The following LIMCH1 variants were observed in gnomAD, a reference collection of about 807,000 sequenced individuals.
The protein encoded by LIMCH1 is LIM and calponin homology domains 1.
LIMCH1 carries 113 observed loss-of-function variants against 176.5 expected under a neutral mutation model. The observed-to-expected ratio is 0.64, with a 90% CI of 0.55 to 0.75. The LOEUF is 0.75. LIMCH1 is among the 30% of genes least tolerant of loss of function. The pLI is 0.00. For synonymous variants in LIMCH1, 619 were observed against 645.9 expected (o/e 0.96, Z 0.63); for missense variants, 1,674 against 1,814.9 (o/e 0.92, Z 1.41).
At chr4:41,394,603 C>T (rs2057601441) in intron 1 of LIMCH1, among the ~76,000 whole-genome samples, 2 of 152,148 alleles carry the variant, frequency 1.3e-5, no homozygotes, top group Non-Finnish European at 2.9e-5. Context: ...TACTGCTCTT[C>T]TTGATCGGGG....
At chr4:41,449,107 G>T (rs545128843) in intron 1 of LIMCH1, among the ~76,000 whole-genome samples, 22 of 151,966 alleles carry the variant, frequency 1.4e-4, no homozygotes, top group Admixed American at 1.4e-3. Flanking sequence ...TTCAGTTAGC[G>T]TATACAGGCC....
intron 1 of LIMCH1, among the ~76,000 whole-genome samples, chr4:41,570,634 C>T (rs1349333785): frequency 6.6e-6 from 1 of 152,220 alleles, no homozygotes; most frequent in Admixed American, 6.5e-5. Context: ...GGCCCTGCTC[C>T]GAACATTTTG....
chr4:41,565,204 C>G (rs915577393), intron 1 of LIMCH1, among the ~76,000 whole-genome samples: 10 of 151,904 alleles, frequency 6.6e-5, no homozygotes, highest in Non-Finnish European at 1.5e-5. Flanking sequence ...GAGTGGTTTT[C>G]TTTTCTAGTT....
intron 1 of LIMCH1, among the ~76,000 whole-genome samples, chr4:41,544,341 G>A (rs1428330227): frequency 1.3e-5 from 2 of 152,172 alleles, no homozygotes; most frequent in African/African-American, 4.8e-5. Context: ...AAACTTATAA[G>A]AAAGAACCTC....
chr4:41,689,618 C>A lies in LIMCH1; in HGVS notation c.4258C>A (p.His1420Asn). 1 of 1,606,040 alleles carries A rather than the reference C, an allele frequency of 6.2e-7. No individual in the cohort carries two copies. Among genetic ancestry groups the A allele is most frequent in the Non-Finnish European group, 8.5e-7 (1 of 1,172,798 alleles). Residue 1420 changes from histidine (H) to asparagine (N), a missense_variant, in exon 30 of 32, where the codon CAC (histidine) becomes AAC (asparagine). His to Asn is a moderately conservative substitution (Grantham distance 68, BLOSUM62 1). Coordinates refer to ENST00000503057, the MANE Select transcript of LIMCH1 (RefSeq NM_001330672.2). ...MIIETLNLYF[H>N]IQCFRCGICK... Reference sequence around the variant, plus strand: ...CATCGAGACCCTCAATCTCTATTTTCACATCCAGTGTTTCAGGGTACGTAC... The same window carrying A: ...CATCGAGACCCTCAATCTCTATTTTAACATCCAGTGTTTCAGGGTACGTAC...
At chr4:41,531,493 CACACACACACACACACACACACAT>C (rs1479942755) in intron 3 of LIMCH1, among the ~76,000 whole-genome samples, 5 of 138,234 alleles carry the variant, frequency 3.6e-5, no homozygotes, top group Admixed American at 2.1e-4. Context: ...CACACACACA[CACACACACACACACACACACACAT>C]ACACACCTTA....
intron 4 of LIMCH1, among the ~76,000 whole-genome samples, chr4:41,606,487 G>T (rs1156399574): frequency 1.3e-5 from 2 of 152,170 alleles, no homozygotes; most frequent in East Asian, 3.9e-4. Flanking sequence ...TACATTAAAT[G>T]CATTCTCCTC....
intron 19 of LIMCH1, chr4:41,661,796 T>G (rs2094631932): frequency 7.6e-6 from 3 of 396,792 alleles, no homozygotes; most frequent in Non-Finnish European, 1.4e-5. Context: ...TTCTTCCATA[T>G]AAATCATGCT....
intron 1 of LIMCH1, among the ~76,000 whole-genome samples, chr4:41,392,242 TAAGCAAA>T (rs915823212): frequency 5.3e-5 from 8 of 152,076 alleles, no homozygotes; most frequent in African/African-American, 1.7e-4. Flanking sequence ...ATAAAAGAAA[TAAGCAAA>T]ATGTATTATC....
intron 5 of LIMCH1, among the ~76,000 whole-genome samples, chr4:41,617,857 A>G (rs144292799): frequency 4.1e-4 from 63 of 152,358 alleles, no homozygotes; most frequent in African/African-American, 1.4e-3. Context: ...ATTATGACAT[A>G]AAGAGTAGCC....
intron 18 of LIMCH1, among the ~76,000 whole-genome samples, chr4:41,659,479 G>T (rs1276663486): frequency 6.6e-6 from 1 of 151,860 alleles, no homozygotes. Context: ...AAATTTCTTT[G>T]TTTTTAAAGA....
chr4:41,540,408 C>T (rs1349848372), intron 1 of LIMCH1, among the ~76,000 whole-genome samples: 1 of 152,086 alleles, frequency 6.6e-6, no homozygotes, highest in African/African-American at 2.4e-5. Flanking sequence ...ATTTTTAAAC[C>T]TTCTCTTGTC....
intron 1 of LIMCH1, among the ~76,000 whole-genome samples, chr4:41,419,466 A>AC (rs2060254745): frequency 6.6e-6 from 1 of 150,838 alleles, no homozygotes; most frequent in South Asian, 2.1e-4. Flanking sequence ...GAGCCACCAT[A>AC]CCCGGCCAAG....
At chr4:41,417,512 A>G (rs1322106921) in intron 1 of LIMCH1, among the ~76,000 whole-genome samples, 2 of 152,114 alleles carry the variant, frequency 1.3e-5, no homozygotes, top group Non-Finnish European at 2.9e-5. Flanking sequence ...TCTGGAGACT[A>G]GATTTCTGAG....
chr4:41,424,762 T>G (rs1345067404), intron 1 of LIMCH1, among the ~76,000 whole-genome samples: 1 of 152,234 alleles, frequency 6.6e-6, no homozygotes, highest in South Asian at 2.1e-4. Flanking sequence ...TTTGGAACTA[T>G]TTCCTGCTTA....
intron 5 of LIMCH1, among the ~76,000 whole-genome samples, chr4:41,613,979 G>A (rs1164131234): frequency 6.6e-6 from 1 of 152,188 alleles, no homozygotes; most frequent in Non-Finnish European, 1.5e-5. Flanking sequence ...CTCATAAAGT[G>A]TGCTGGAGGT....
rs143136860 is a variant in LIMCH1, at chr4:41,642,011, C to A, written c.2127-2489C>A. Among the ~76,000 whole-genome samples, 203 of 152,280 alleles carry A rather than the reference C, an allele frequency of 1.3e-3. 2 individuals are homozygous for A. Among genetic ancestry groups the A allele is most frequent in the African/African-American group, 4.8e-3 (201 of 41,562 alleles). On this transcript the variant is annotated intron_variant, in intron 14 of 31. Transcript: ENST00000503057. The stretch of plus-strand genomic sequence containing the variant: ...GGTCTGCTCTCATTTTCTCCATGCC[C>A]ATTGGGTGAGATAATCAAATCCCAG...
intron 18 of LIMCH1, among the ~76,000 whole-genome samples, chr4:41,653,779 TC>T (rs1462119584): frequency 6.6e-6 from 1 of 152,258 alleles, no homozygotes; most frequent in Non-Finnish European, 1.5e-5. Context: ...CATCATATCA[TC>T]TCTTTGGTTT....
intron 1 of LIMCH1, among the ~76,000 whole-genome samples, chr4:41,567,939 G>C (rs930127756): frequency 1.4e-4 from 22 of 152,164 alleles, no homozygotes. Flanking sequence ...CGGACCACGA[G>C]GTCAGGAGTT....
Sources: gnomAD v4.1 joint callset for allele counts (sites outside exome capture counted in the v4.1 genomes callset) on GRCh38, gnomAD v4.1.1 for gene constraint, MANE v1.5 for transcripts, NCBI Gene and HGNC (gene_info 2026-07-23, HGNC 2026-07-21) for gene names.